The following SHISA9 variants were observed in gnomAD, a reference collection of about 807,000 sequenced individuals.
SHISA9 encodes the protein shisa family member 9, also known as protein shisa-9.
SHISA9 carries 13 observed loss-of-function variants against 38.0 expected under a neutral mutation model. That is an observed-to-expected ratio of 0.34 (90% CI 0.22 to 0.54). The LOEUF (loss-of-function observed/expected upper bound fraction) is 0.54, where lower values mean the gene tolerates loss of function less well. Ranked by LOEUF, SHISA9 falls within the 20% of genes least tolerant of loss-of-function variation. The pLI, the probability that SHISA9 is intolerant of heterozygous loss-of-function variation, is 0.91. For missense variants in SHISA9, 538 were observed against 575.8 expected (o/e 0.93, Z 0.67); for synonymous variants, 275 against 242.0 (o/e 1.14, Z -1.27).
the SHISA9 span, among the ~76,000 whole-genome samples, chr16:13,323,392 G>T: frequency 1.3e-5 from 2 of 152,144 alleles, no homozygotes; most frequent in East Asian, 1.9e-4. Context: ...TCATTGAGTG[G>T]AAGTCCACAA....
chr16:13,235,434 G>A lies in SHISA9; in HGVS notation c.*25G>A. On this transcript the variant is annotated 3_prime_UTR_variant, in exon 5 of 5. Coordinates refer to ENST00000558583, the MANE Select transcript of SHISA9 (RefSeq NM_001145204.3). ...AGCTTTCACCACAGGGAGCACCCTG[G>A]AGACCACACTCAACTGAGAGAGGCA... is the stretch of plus-strand genomic sequence containing the variant. The A allele has an allele frequency of 1.3e-6, 2 of 1,520,438 alleles. No individual in the cohort carries two copies. The highest frequency in any genetic ancestry group is 1.2e-5 in the South Asian group (1 of 81,426). The allele number at this position is 1,520,438 out of a possible 1,614,324, so 94.2% of individuals were successfully genotyped here. A position where few individuals can be genotyped will look rare whatever the true frequency, so the allele number is the denominator to read the frequency against.
chr16:12,930,211 A>G (rs2071445752), intron 2 of SHISA9, among the ~76,000 whole-genome samples: 2 of 152,230 alleles, frequency 1.3e-5, no homozygotes. Flanking sequence ...AAAATTTTTC[A>G]GATGGAATAA....
At chr16:13,338,483 C>T in the SHISA9 span, among the ~76,000 whole-genome samples, 1 of 152,086 alleles carries the variant, frequency 6.6e-6, no homozygotes, top group Non-Finnish European at 1.5e-5. Flanking sequence ...GCAGATTGTA[C>T]AGATAGGAAG....
intron 2 of SHISA9, among the ~76,000 whole-genome samples, chr16:12,918,482 C>T (rs1252478639): frequency 6.6e-6 from 1 of 152,162 alleles, no homozygotes; most frequent in Non-Finnish European, 1.5e-5. Context: ...ATAACAAACT[C>T]ATTGAAGTCA....
chr16:13,404,054 C>T, the SHISA9 span, among the ~76,000 whole-genome samples: 1 of 152,184 alleles, frequency 6.6e-6, no homozygotes, highest in Non-Finnish European at 1.5e-5. Flanking sequence ...GTGATTCGAA[C>T]TCAGGCTCTG....
At chr16:13,243,693 C>T (rs890295662), downstream of SHISA9, among the ~76,000 whole-genome samples, 4 of 151,242 alleles carry the variant, frequency 2.6e-5, no homozygotes, top group Non-Finnish European at 4.4e-5. Context: ...GAGGCATGTC[C>T]GACCCCCACT....
chr16:13,023,779 T>C (rs1223264808), intron 2 of SHISA9, among the ~76,000 whole-genome samples: 1 of 152,182 alleles, frequency 6.6e-6, no homozygotes, highest in Non-Finnish European at 1.5e-5. Context: ...AGTGATGATG[T>C]GCATTTTTTC....
chr16:13,281,448 C>T, the SHISA9 span, among the ~76,000 whole-genome samples: 1 of 151,434 alleles, frequency 6.6e-6, no homozygotes, highest in Non-Finnish European at 1.5e-5. Flanking sequence ...TGACTTCTTC[C>T]TTTTAATTTT....
At chr16:13,251,217 C>G in the SHISA9 span, among the ~76,000 whole-genome samples, 1 of 152,182 alleles carries the variant, frequency 6.6e-6, no homozygotes, top group Middle Eastern at 3.2e-3. Context: ...CCTCTCCATA[C>G]TCAGAGGAAA....
At chr16:12,999,405 C>T (rs2072497121) in intron 2 of SHISA9, among the ~76,000 whole-genome samples, 1 of 152,146 alleles carries the variant, frequency 6.6e-6, no homozygotes, top group Non-Finnish European at 1.5e-5. Context: ...GACTGCTCTG[C>T]ACATGTTCAT....
At chr16:13,309,747 A>G in the SHISA9 span, among the ~76,000 whole-genome samples, 1 of 152,008 alleles carries the variant, frequency 6.6e-6, no homozygotes, top group East Asian at 1.9e-4. Flanking sequence ...CTCAGTGCTT[A>G]GAAAGCTAAG....
chr16:13,259,746 G>A, the SHISA9 span, among the ~76,000 whole-genome samples: 1 of 152,298 alleles, frequency 6.6e-6, no homozygotes, highest in East Asian at 1.9e-4. Context: ...ATTCAGCCAT[G>A]GCTGGAAAGG....
chr16:13,204,210 GTCTATCTATCTATCTA>G (rs199860829), intron 3 of SHISA9, among the ~76,000 whole-genome samples: 2 of 140,986 alleles, frequency 1.4e-5, no homozygotes, highest in Non-Finnish European at 3.1e-5. Context: ...CTGTCTGTCT[GTCTATCTATCTATCTA>G]TCTATCTATC....
At chr16:12,978,127 G>A (rs570723186) in intron 2 of SHISA9, among the ~76,000 whole-genome samples, 2 of 152,308 alleles carry the variant, frequency 1.3e-5, no homozygotes, top group African/African-American at 4.8e-5. Context: ...GAAATGGGCA[G>A]ATGACACAAC....
At chr16:13,179,986 G>A (rs2050763570) in intron 2 of SHISA9, among the ~76,000 whole-genome samples, 1 of 152,168 alleles carries the variant, frequency 6.6e-6, no homozygotes, top group African/African-American at 2.4e-5. Flanking sequence ...CAATGTGAGA[G>A]AGCTATCAGG....
the SHISA9 span, among the ~76,000 whole-genome samples, chr16:13,419,945 G>A: frequency 1.3e-5 from 2 of 152,258 alleles, no homozygotes; most frequent in African/African-American, 4.8e-5. Flanking sequence ...AAGAACATGG[G>A]ATAAAAGTTG....
intron 2 of SHISA9, among the ~76,000 whole-genome samples, chr16:13,145,967 T>A (rs994697913): frequency 5.9e-5 from 9 of 152,318 alleles, no homozygotes; most frequent in African/African-American, 1.9e-4. Flanking sequence ...GCAGGCAGAT[T>A]GCTTGAGGTC....
the SHISA9 span, among the ~76,000 whole-genome samples, chr16:13,498,703 G>C: frequency 2.0e-5 from 3 of 152,156 alleles, no homozygotes; most frequent in South Asian, 2.1e-4. Context: ...GTTGCAGTGA[G>C]CCAAGATCAC....
chr16:13,503,293 A>C, the SHISA9 span, among the ~76,000 whole-genome samples: 1 of 152,236 alleles, frequency 6.6e-6, no homozygotes. Flanking sequence ...GCAGGGTCTT[A>C]AAGTCCATGA....
Sources: gnomAD v4.1 joint callset for allele counts (sites outside exome capture counted in the v4.1 genomes callset) on GRCh38, gnomAD v4.1.1 for gene constraint, MANE v1.5 for transcripts, NCBI Gene and HGNC (gene_info 2026-07-23, HGNC 2026-07-21) for gene names.